Variants in PCDHA10 observed in about 807,000 individuals in gnomAD.
The protein encoded by PCDHA10 is protocadherin alpha 10.
A neutral mutation model predicts 61.2 loss-of-function variants in PCDHA10; 45 were observed. That is an observed-to-expected ratio of 0.74 (90% CI 0.58 to 0.94). The LOEUF (loss-of-function observed/expected upper bound fraction) is 0.94, where lower values mean the gene tolerates loss of function less well. Among genes scored for constraint, PCDHA10 ranks in the 40% least tolerant of loss-of-function variants. PCDHA10 has a pLI of 0.00. For synonymous variants in PCDHA10, 602 were observed against 548.8 expected, an observed-to-expected ratio of 1.10 and a Z score of -1.35; for missense variants, 1,278 against 1,236.2, an observed-to-expected ratio of 1.03 and a Z score of -0.51.
chr5:140,884,305 G>C, intron 1 of PCDHA10: 1 of 1,613,720 alleles, frequency 6.2e-7, no homozygotes, highest in African/African-American at 1.3e-5. Flanking sequence ...CACAGGCTTC[G>C]TCGAGGGCGT....
chr5:140,965,748 C>T (rs1010303564), intron 1 of PCDHA10, among the ~76,000 whole-genome samples: 1 of 152,174 alleles, frequency 6.6e-6, no homozygotes, highest in Non-Finnish European at 1.5e-5. Flanking sequence ...TCCCCATTGT[C>T]GCCAAAATGG....
chr5:140,889,032 AT>A (rs1357652460), intron 1 of PCDHA10, among the ~76,000 whole-genome samples: 12 of 152,198 alleles, frequency 7.9e-5, no homozygotes, highest in South Asian at 6.2e-4. Context: ...GATAACCGTA[AT>A]TTGATTATAA....
At chr5:140,928,508 T>G in intron 1 of PCDHA10, 1 of 1,614,174 alleles carries the variant, frequency 6.2e-7, no homozygotes, top group Non-Finnish European at 8.5e-7. Flanking sequence ...AGTGCAACAG[T>G]GACTATAAAC....
At chr5:140,990,900 G>C (rs1164287326) in intron 3 of PCDHA10, among the ~76,000 whole-genome samples, 1 of 152,114 alleles carries the variant, frequency 6.6e-6, no homozygotes, top group Non-Finnish European at 1.5e-5. Flanking sequence ...TCGTTGCTGG[G>C]TCAAGTTTTA....
chr5:140,864,688 C>G (rs1324668554), intron 1 of PCDHA10: 2 of 152,164 alleles, frequency 1.3e-5, no homozygotes, highest in Admixed American at 1.3e-4. Context: ...CTGCTGTCCT[C>G]CAGTTTAAGT....
rs375261398 is a variant in PCDHA10 at position 140,910,786 on chromosome 5, A to G, written c.2388+52350A>G. On this transcript the variant is annotated intron_variant, in intron 1 of 3. Transcript: ENST00000307360. ...TAAACTCCCCAAGCTGCAACATTAA[A>G]TGCAGAATCCCTGCTTAGTGGGCCC... is the stretch of plus-strand genomic sequence containing the variant. 2.6e-3 allele frequency among the ~76,000 whole-genome samples: 391 copies of G among 152,326 alleles called. 2 individuals are homozygous for G. Among genetic ancestry groups the G allele is most frequent in the African/African-American group, 9.1e-3 (380 of 41,560 alleles).
At chr5:140,884,066 G>C in intron 1 of PCDHA10, 3 of 1,613,514 alleles carry the variant, frequency 1.9e-6, no homozygotes, top group Non-Finnish European at 2.5e-6. Flanking sequence ...GGTGGACGCC[G>C]ATTCGGGCTA....
In PCDHA10 at chr5:140,876,702, C is replaced by A. The variant is rs1554168805; in HGVS notation, c.2388+18266C>A. 6.2e-7 allele frequency: 1 copy of A among 1,614,242 alleles called. No homozygotes were observed. Among genetic ancestry groups the A allele is most frequent in the Admixed American group, 1.7e-5 (1 of 60,028 alleles). The stretch of plus-strand genomic sequence containing the variant: ...AGAATTACTACTCGTTGGTGCTGGA[C>A]AGCGCCCTGGACCGCGAGAGCGTGT... On this transcript the variant is annotated intron_variant, in intron 1 of 3. Coordinates refer to ENST00000307360, the MANE Select transcript of PCDHA10 (RefSeq NM_018901.4).
rs1554203742 is a variant in PCDHA10 at position 140,926,854 on chromosome 5, G to A, written c.2389-52095G>A. 10 of 1,520,530 alleles carry A rather than the reference G, an allele frequency of 6.6e-6. No homozygotes were observed. In the South Asian group the frequency reaches 1.3e-4, roughly 20 times the overall value. The allele number at this position is 1,520,530 out of a possible 1,614,324, so 94.2% of individuals were successfully genotyped here. On this transcript the variant is annotated intron_variant, in intron 1 of 3. Transcript: ENST00000307360. Reference sequence around the variant, plus strand: ...GGAGCATGGTCCTGGGTCACCGTTGGTGTAGCGTGTTGGTGGAACGTGGAC... The same window carrying A: ...GGAGCATGGTCCTGGGTCACCGTTGATGTAGCGTGTTGGTGGAACGTGGAC...
chr5:140,878,406 T>A (rs1198360264), intron 1 of PCDHA10, among the ~76,000 whole-genome samples: 2 of 152,254 alleles, frequency 1.3e-5, no homozygotes, highest in Non-Finnish European at 2.9e-5. Flanking sequence ...CAAAATATCT[T>A]CTTTATTTCA....
chr5:140,870,775 A>G (rs782661485), intron 1 of PCDHA10: 3 of 1,613,592 alleles, frequency 1.9e-6, no homozygotes, highest in Non-Finnish European at 1.7e-6. Context: ...GCTGGACGAG[A>G]ACGACAACGC....
At chr5:140,962,438 GATGGCTTGAATCTCTT>G (rs1298191516) in intron 1 of PCDHA10, among the ~76,000 whole-genome samples, 11 of 152,108 alleles carry the variant, frequency 7.2e-5, no homozygotes, top group East Asian at 5.8e-4. Flanking sequence ...CTTATCCAAA[GATGGCTTGAATCTCTT>G]ATGGCTTGAA....
In PCDHA10 at chr5:140,877,149, C is replaced by G. The variant is rs2056888845; in HGVS notation, c.2388+18713C>G. The G allele has an allele frequency of 2.5e-6, 4 of 1,613,648 alleles. No individual in the cohort carries two copies. The highest frequency in any genetic ancestry group is 1.1e-5 in the South Asian group (1 of 91,078). On this transcript the variant is annotated intron_variant, in intron 1 of 3. Coordinates refer to ENST00000307360, the MANE Select transcript of PCDHA10 (RefSeq NM_018901.4). ...TGCAGGTGTTCGTGCTGGACGAGAA[C>G]GACAACGCGCCGGCACTGCTGGCGA... is the stretch of plus-strand genomic sequence containing the variant.
intron 1 of PCDHA10, among the ~76,000 whole-genome samples, chr5:140,936,452 T>C (rs1447343887): frequency 2.0e-5 from 3 of 152,216 alleles, no homozygotes; most frequent in African/African-American, 7.2e-5. Flanking sequence ...ACCACATCTG[T>C]TTAGTGGTTG....
At chr5:140,877,813 GAA>G in intron 1 of PCDHA10, 1 of 1,610,266 alleles carries the variant, frequency 6.2e-7, no homozygotes, top group Non-Finnish European at 8.5e-7. Flanking sequence ...GCTGTCTCGA[GAA>G]GATTGTTTAA....
chr5:140,994,318 C>G (rs782231160), intron 3 of PCDHA10, among the ~76,000 whole-genome samples: 18 of 152,300 alleles, frequency 1.2e-4, no homozygotes, highest in Non-Finnish European at 1.6e-4. Context: ...CCCAAACACT[C>G]TCAGCAACCA....
intron 1 of PCDHA10, among the ~76,000 whole-genome samples, chr5:140,893,065 A>G (rs2063802609): frequency 6.6e-6 from 1 of 152,226 alleles, no homozygotes; most frequent in South Asian, 2.1e-4. Context: ...TACTGCCATG[A>G]ATAACAGGAT....
At chr5:140,963,659 A>G (rs1474288889) in intron 1 of PCDHA10, among the ~76,000 whole-genome samples, 3 of 152,222 alleles carry the variant, frequency 2.0e-5, no homozygotes. Context: ...TTGATTTCCT[A>G]TATGGCATAG....
intron 1 of PCDHA10, among the ~76,000 whole-genome samples, chr5:140,938,727 GA>G (rs2092176789): frequency 6.6e-6 from 1 of 151,904 alleles, no homozygotes; most frequent in Admixed American, 6.6e-5. Flanking sequence ...CGTTTCTACA[GA>G]AAAAAATAAT....
Sources: gnomAD v4.1 joint callset for allele counts (sites outside exome capture counted in the v4.1 genomes callset) on GRCh38, gnomAD v4.1.1 for gene constraint, MANE v1.5 for transcripts, NCBI Gene and HGNC (gene_info 2026-07-23, HGNC 2026-07-21) for gene names.